The following TNNI3K variants were observed in gnomAD, a reference collection of about 807,000 sequenced individuals.
The protein encoded by TNNI3K is TNNI3 interacting kinase.
TNNI3K carries 140 observed loss-of-function variants against 114.5 expected under a neutral mutation model. The ratio of observed to expected loss-of-function variants is 1.22; its 90% CI spans 1.07 to 1.41. The LOEUF is 1.41. Ranked by LOEUF, TNNI3K falls within the 40% of genes most tolerant of loss-of-function variation. The probability of loss-of-function intolerance (pLI) is 0.00; values close to 1 mark genes in which losing one functional copy is unlikely to be tolerated. For synonymous variants in TNNI3K, 347 were observed against 347.5 expected (o/e 1.00, Z 0.02); for missense variants, 1,125 against 1,007.6 (o/e 1.12, Z -1.58).
chr1:74,420,708 G>A (rs533292117), intron 17 of TNNI3K, among the ~76,000 whole-genome samples: 18 of 152,226 alleles, frequency 1.2e-4, no homozygotes, highest in Admixed American at 2.0e-4. Flanking sequence ...GCAATGTTCC[G>A]CAGATGCCAG....
intron 21 of TNNI3K, among the ~76,000 whole-genome samples, chr1:74,488,214 TAGC>T (rs1668866908): frequency 6.6e-6 from 1 of 152,156 alleles, no homozygotes; most frequent in South Asian, 2.1e-4. Flanking sequence ...CATTTGGAAG[TAGC>T]AGTGACAGCA....
At chr1:74,358,924 C>T (rs569786014) in intron 11 of TNNI3K, among the ~76,000 whole-genome samples, 65 of 151,966 alleles carry the variant, frequency 4.3e-4, no homozygotes, top group African/African-American at 1.6e-3. Context: ...GTATCTTTTA[C>T]AGATGCATAT....
Position 74,343,204 on chromosome 1 carries a change from G to T in TNNI3K, c.932+25G>T, listed in dbSNP as rs199653727. The T allele has an allele frequency of 2.3e-5, 37 of 1,589,170 alleles. No homozygotes were observed. The East Asian group carries it at 6.9e-4, about 30-fold the overall frequency. On this transcript the variant is annotated intron_variant, in intron 9 of 24. Transcript: ENST00000326637. ...GGTAAAAGAATATTTAAGTGCAATA[G>T]CCACTAAACTTAGCTGACACTCTAA...
At chr1:74,464,041 C>A (rs528527346) in intron 21 of TNNI3K, among the ~76,000 whole-genome samples, 2 of 152,052 alleles carry the variant, frequency 1.3e-5, no homozygotes, top group Admixed American at 6.5e-5. Context: ...GCATAGACTT[C>A]GAATTCAAAT....
At chr1:74,377,594 G>A (rs532244384) in intron 17 of TNNI3K, among the ~76,000 whole-genome samples, 10 of 152,136 alleles carry the variant, frequency 6.6e-5, no homozygotes, top group African/African-American at 2.4e-4. Context: ...CACATATAAA[G>A]AGAAGGATTC....
chr1:74,318,289 A>G (rs1052729873), intron 5 of TNNI3K, among the ~76,000 whole-genome samples: 1 of 152,204 alleles, frequency 6.6e-6, no homozygotes, highest in Non-Finnish European at 1.5e-5. Context: ...CTATTTTAAA[A>G]TGTAGATTTG....
At chr1:74,241,786 T>A (rs998200143) in intron 2 of TNNI3K, among the ~76,000 whole-genome samples, 3 of 152,060 alleles carry the variant, frequency 2.0e-5, no homozygotes, top group Non-Finnish European at 4.4e-5. Flanking sequence ...TTTAATTAGA[T>A]CCCATTTGTC....
At chr1:74,294,216 A>G (rs2100297633) in intron 5 of TNNI3K, among the ~76,000 whole-genome samples, 1 of 151,930 alleles carries the variant, frequency 6.6e-6, no homozygotes, top group East Asian at 1.9e-4. Flanking sequence ...CCTATAATTT[A>G]TTTTCTCATA....
At chr1:74,305,849 A>G (rs1156236408) in intron 5 of TNNI3K, among the ~76,000 whole-genome samples, 3 of 152,234 alleles carry the variant, frequency 2.0e-5, no homozygotes, top group Non-Finnish European at 4.4e-5. Flanking sequence ...TACTTTTAAT[A>G]TGGAACCAAA....
chr1:74,469,661 A>G (rs1667829643), intron 21 of TNNI3K: 2 of 373,334 alleles, frequency 5.4e-6, no homozygotes, highest in Non-Finnish European at 9.5e-6. Flanking sequence ...AGAGAAGCAT[A>G]CTCAGTTAAT....
chr1:74,287,037 A>G (rs543229472), intron 5 of TNNI3K, among the ~76,000 whole-genome samples: 1 of 152,210 alleles, frequency 6.6e-6, no homozygotes, highest in African/African-American at 2.4e-5. Context: ...CTCAGAAGCT[A>G]AAGAGCACAA....
intron 21 of TNNI3K, among the ~76,000 whole-genome samples, chr1:74,479,869 C>G (rs1221398056): frequency 6.6e-6 from 1 of 152,190 alleles, no homozygotes; most frequent in African/African-American, 2.4e-5. Flanking sequence ...AAACTAAAGT[C>G]TAAATAGCAG....
chr1:74,252,401 G>A (rs1654983714), intron 4 of TNNI3K, among the ~76,000 whole-genome samples: 1 of 152,126 alleles, frequency 6.6e-6, no homozygotes, highest in Non-Finnish European at 1.5e-5. Flanking sequence ...AAAATGCATA[G>A]TTATTTTGCA....
chr1:74,530,620 C>A (rs182003771), intron 23 of TNNI3K, among the ~76,000 whole-genome samples: 174 of 152,180 alleles, frequency 1.1e-3, no homozygotes, highest in African/African-American at 3.9e-3. Context: ...TAGGTTATTT[C>A]AATTCTCAAG....
At position 74,340,468 on chromosome 1, in the gene TNNI3K, G is replaced by A. The variant is rs534583398; in HGVS notation, c.683-2374G>A. Among the ~76,000 whole-genome samples, 4 of 152,190 alleles carry A rather than the reference G, an allele frequency of 2.6e-5. No individual in the cohort carries two copies. In the East Asian group the frequency reaches 7.7e-4, roughly 29 times the overall value. ...AAACTAAATACATCACAATGACTGA[G>A]GCAAAAACAGACATGTATACGCATA... On this transcript the variant is annotated intron_variant, in intron 7 of 24. Transcript: ENST00000326637.
At chr1:74,453,874 C>T (rs1292310642) in intron 20 of TNNI3K, among the ~76,000 whole-genome samples, 2 of 152,142 alleles carry the variant, frequency 1.3e-5, no homozygotes, top group African/African-American at 4.8e-5. Flanking sequence ...CCACGCTGAC[C>T]ATATCAACTA....
intron 1 of TNNI3K, 75 bp from the exon 2 acceptor site, chr1:74,236,027 C>T (rs1653835150): frequency 9.1e-7 from 1 of 1,104,346 alleles, no homozygotes; most frequent in Non-Finnish European, 1.3e-6. Context: ...GTTTTGATTA[C>T]TTGTATGTTA....
intron 20 of TNNI3K, among the ~76,000 whole-genome samples, chr1:74,451,668 T>G (rs957170641): frequency 5.8e-5 from 3 of 51,858 alleles, no homozygotes; most frequent in African/African-American, 1.8e-4. Context: ...TTTTCTTTTC[T>G]TTTCTTTTCT....
intron 2 of TNNI3K, among the ~76,000 whole-genome samples, chr1:74,242,875 A>G (rs114134414): frequency 2.6e-5 from 4 of 151,416 alleles, no homozygotes; most frequent in African/African-American, 9.7e-5. Context: ...ATCTCTCCCT[A>G]TTGTTCTCCC....
Sources: gnomAD v4.1 joint callset for allele counts (sites outside exome capture counted in the v4.1 genomes callset) on GRCh38, gnomAD v4.1.1 for gene constraint, MANE v1.5 for transcripts, NCBI Gene and HGNC (gene_info 2026-07-23, HGNC 2026-07-21) for gene names.